HDAC8: variants seen among roughly 807,000 people sequenced by gnomAD.
The protein encoded by HDAC8 is histone deacetylase-like 1.
A neutral mutation model predicts 32.2 loss-of-function variants in HDAC8; 1 was observed. That is an observed-to-expected ratio of 0.03 (90% confidence interval 0.01 to 0.15). The LOEUF is 0.15. Ranked by LOEUF, HDAC8 falls within the 10% of genes least tolerant of loss-of-function variation. The pLI, the probability that HDAC8 is intolerant of heterozygous loss-of-function variation, is 1.00. For missense variants in HDAC8, 117 were observed against 300.0 expected (o/e 0.39, Z 4.51); for synonymous variants, 108 against 113.9 (o/e 0.95, Z 0.33).
At chrX:72,474,344 A>C in intron 7 of HDAC8, 1 of 782,032 alleles carries the variant, frequency 1.3e-6, no homozygotes. Context: ...TCGAGGGTAG[A>C]ATCAATACTT....
At chrX:72,488,797 T>G (rs782359216) in intron 7 of HDAC8, 136 bp downstream of exon 7, 10 of 352,349 alleles carry the variant, frequency 2.8e-5, no homozygotes, top group Non-Finnish European at 4.9e-5. Flanking sequence ...ATAAGCATAA[T>G]GACCAGTATA....
At chrX:72,490,009 C>G (rs1480269115) in intron 6 of HDAC8, among the ~76,000 whole-genome samples, 6 of 111,672 alleles carry the variant, frequency 5.4e-5, no homozygotes, top group African/African-American at 2.0e-4. Context: ...AAAACGCTCA[C>G]CATCACTGGC....
intron 9 of HDAC8, among the ~76,000 whole-genome samples, chrX:72,445,875 G>C (rs1397612425): frequency 8.9e-6 from 1 of 111,817 alleles, no homozygotes; most frequent in Non-Finnish European, 1.9e-5. Context: ...GTGGGTGAAG[G>C]ATATGAACAG....
intron 4 of HDAC8, among the ~76,000 whole-genome samples, chrX:72,532,410 A>G (rs1411795725): frequency 1.9e-5 from 2 of 107,381 alleles, no homozygotes; most frequent in Non-Finnish European, 3.8e-5. Flanking sequence ...ACCATTTTAG[A>G]TTCTCACCAG....
chrX:72,419,905 T>C (rs2046439705), intron 9 of HDAC8, among the ~76,000 whole-genome samples: 1 of 111,823 alleles, frequency 8.9e-6, no homozygotes, highest in South Asian at 3.7e-4. Context: ...ATGCATTTCA[T>C]TGATCGATTT....
rs2148045760 is a variant in HDAC8, at chrX:72,464,539, T to C, written c.910+20A>G. 1 of 1,182,355 alleles carries C rather than the reference T, an allele frequency of 8.5e-7. No individual in the cohort carries two copies. ...GTGGAGGAAGGTCAACAAATTCTGGTAACCTTCCTTTATACTCACCTCCTC... is the reference window on the plus strand; with the variant it reads ...GTGGAGGAAGGTCAACAAATTCTGGCAACCTTCCTTTATACTCACCTCCTC... On this transcript the variant is annotated intron_variant, in intron 8 of 10. Coordinates refer to ENST00000373573, the MANE Select transcript of HDAC8 (RefSeq NM_018486.3).
chrX:72,344,897 A>G (rs2043983743), intron 10 of HDAC8, among the ~76,000 whole-genome samples: 1 of 111,801 alleles, frequency 8.9e-6, no homozygotes, highest in South Asian at 3.8e-4. Flanking sequence ...TCACTGTATC[A>G]TGTGGTGCTC....
chrX:72,384,833 T>A (rs1244237699), intron 9 of HDAC8, among the ~76,000 whole-genome samples: 10 of 112,313 alleles, frequency 8.9e-5, no homozygotes, highest in African/African-American at 3.2e-4. Context: ...AGACTGCATA[T>A]GTAAGCATAA....
At chrX:72,484,337 G>A (rs1033557428) in intron 7 of HDAC8, among the ~76,000 whole-genome samples, 32 of 111,485 alleles carry the variant, frequency 2.9e-4, no homozygotes, top group African/African-American at 1.0e-3. Context: ...TTGCCTATAT[G>A]GATATAAACA....
intron 4 of HDAC8, among the ~76,000 whole-genome samples, chrX:72,509,791 C>T (rs1009002042): frequency 1.4e-4 from 15 of 110,842 alleles, no homozygotes; most frequent in African/African-American, 4.9e-4. Flanking sequence ...ATTTCTCCTT[C>T]GTGTCTACTC....
chrX:72,477,629 G>A lies in HDAC8; in HGVS notation c.737+11304C>T, dbSNP rs191467235. Reference sequence around the variant, plus strand: ...CTCTGCAATGCCGTCATACAATGAGGTGTGCAAGAAAGAGTTTGGGGATTG... The same window carrying A: ...CTCTGCAATGCCGTCATACAATGAGATGTGCAAGAAAGAGTTTGGGGATTG... On this transcript the variant is annotated intron_variant, in intron 7 of 10. Transcript: ENST00000373573. Among the ~76,000 whole-genome samples, 50 of 112,530 alleles carry A rather than the reference G, an allele frequency of 4.4e-4. 1 individual carries two copies. Among genetic ancestry groups the A allele is most frequent in the Non-Finnish European group, 3.8e-5 (2 of 53,331 alleles).
chrX:72,540,482 A>C (rs1345261788), intron 4 of HDAC8, among the ~76,000 whole-genome samples: 1 of 111,367 alleles, frequency 9.0e-6, no homozygotes, highest in African/African-American at 3.3e-5. Flanking sequence ...CATTAAGCGG[A>C]GAACATACTT....
At chrX:72,531,586 G>C (rs2050340269) in intron 4 of HDAC8, among the ~76,000 whole-genome samples, 1 of 111,564 alleles carries the variant, frequency 9.0e-6, no homozygotes. Context: ...ACCTCAAAAA[G>C]AAACCCTGCA....
At chrX:72,419,093 T>C (rs1210340035) in intron 9 of HDAC8, among the ~76,000 whole-genome samples, 2 of 111,671 alleles carry the variant, frequency 1.8e-5, no homozygotes, top group African/African-American at 6.5e-5. Flanking sequence ...TTCAAGAATG[T>C]TTTGGTTATT....
intron 4 of HDAC8, among the ~76,000 whole-genome samples, chrX:72,515,720 T>C (rs893279101): frequency 1.8e-5 from 2 of 110,281 alleles, no homozygotes; most frequent in Non-Finnish European, 3.8e-5. Flanking sequence ...AGCAGTGGGG[T>C]GTGTAGGGCT....
Position 72,329,864 on chromosome X carries a change from G to C in HDAC8, c.*190C>G. 1 of 850,568 alleles carries C rather than the reference G, an allele frequency of 1.2e-6. No homozygotes were observed. The highest frequency in any genetic ancestry group is 1.7e-6 in the Non-Finnish European group (1 of 602,245). 70.1% of individuals were successfully genotyped at this position (850,568 alleles called of 1,213,427 possible). A position where few individuals can be genotyped will look rare whatever the true frequency, so the allele number is the denominator to read the frequency against. On this transcript the variant is annotated 3_prime_UTR_variant, in exon 11 of 11. Transcript: ENST00000373573. The stretch of plus-strand genomic sequence containing the variant: ...TCCTTCTTCCCCTAGGTCCAGTTGA[G>C]GACTCTGGGGTGCCTGCCTCTTCAC...
chrX:72,428,898 C>T (rs782675376), intron 9 of HDAC8, among the ~76,000 whole-genome samples: 5 of 111,536 alleles, frequency 4.5e-5, no homozygotes, highest in Admixed American at 9.4e-5. Context: ...CTCCTATGGA[C>T]GTAGATAAGT....
intron 4 of HDAC8, among the ~76,000 whole-genome samples, chrX:72,556,254 G>C (rs1556092976): frequency 2.7e-5 from 3 of 111,943 alleles, no homozygotes; most frequent in African/African-American, 9.7e-5. Flanking sequence ...CTAAAAATAA[G>C]CATAAATCTT....
At chrX:72,358,050 G>A (rs1555951357) in intron 9 of HDAC8, among the ~76,000 whole-genome samples, 3 of 109,640 alleles carry the variant, frequency 2.7e-5, no homozygotes, top group Non-Finnish European at 3.8e-5. Context: ...GATTATAGGC[G>A]CGCACCACCA....
Sources: allele counts gnomAD v4.1 joint callset (sites outside exome capture counted in the v4.1 genomes callset), GRCh38; gene constraint gnomAD v4.1.1; transcripts MANE v1.5; gene names NCBI Gene and HGNC (gene_info 2026-07-23, HGNC 2026-07-21).